The following CDADC1 variants were observed in gnomAD, a reference collection of about 807,000 sequenced individuals.
CDADC1 encodes the protein cytidine and dCMP deaminase domain containing 1, also known as dCTP deaminase.
CDADC1 carries 39 observed loss-of-function variants against 54.9 expected under a neutral mutation model. The observed-to-expected ratio is 0.71, with a 90% CI of 0.55 to 0.93. The LOEUF is 0.93. Among genes scored for constraint, CDADC1 ranks in the 40% least tolerant of loss-of-function variants. The probability of loss-of-function intolerance (pLI) is 0.00; values close to 1 mark genes in which losing one functional copy is unlikely to be tolerated. For synonymous variants in CDADC1, 186 were observed against 204.0 expected (o/e 0.91, Z 0.75); for missense variants, 518 against 618.8 (o/e 0.84, Z 1.73).
intron 6 of CDADC1, among the ~76,000 whole-genome samples, chr13:49,275,716 TATATATATATAGAGAG>T (rs1953098363): frequency 8.6e-5 from 5 of 58,080 alleles, no homozygotes; most frequent in South Asian, 7.2e-4. Context: ...TATATATATA[TATATATATATAGAGAG>T]AGAGAGAGAG....
At chr13:49,262,441 C>T (rs886870750) in intron 4 of CDADC1, among the ~76,000 whole-genome samples, 3 of 152,128 alleles carry the variant, frequency 2.0e-5, no homozygotes, top group East Asian at 1.9e-4. Flanking sequence ...GAGTGAGACC[C>T]TGTCCCAAAA....
chr13:49,280,022 AT>A (rs1360951515), intron 7 of CDADC1, among the ~76,000 whole-genome samples: 1 of 152,228 alleles, frequency 6.6e-6, no homozygotes, highest in Non-Finnish European at 1.5e-5. Flanking sequence ...GTATTTGATT[AT>A]TCATTTAGTA....
chr13:49,257,455 G>T (rs937220797), intron 3 of CDADC1, among the ~76,000 whole-genome samples: 2 of 152,144 alleles, frequency 1.3e-5, no homozygotes, highest in Non-Finnish European at 2.9e-5. Flanking sequence ...TTTTGATGAG[G>T]CAGCATTACT....
intron 7 of CDADC1, among the ~76,000 whole-genome samples, chr13:49,279,598 G>T (rs184404017): frequency 7.7e-4 from 117 of 152,318 alleles, no homozygotes; most frequent in African/African-American, 2.6e-3. Flanking sequence ...GCGGGGAAAT[G>T]GAATGGCATT....
intron 5 of CDADC1, among the ~76,000 whole-genome samples, chr13:49,272,060 ATT>A (rs5803453): frequency 2.7e-5 from 4 of 150,886 alleles, no homozygotes; most frequent in Non-Finnish European, 1.5e-5. Flanking sequence ...GAAAAATCAC[ATT>A]TTTTTTTTCC....
chr13:49,292,484 T>C lies in CDADC1; in HGVS notation c.*727T>C. On this transcript the variant is annotated 3_prime_UTR_variant, in exon 10 of 10. Transcript: ENST00000251108. The stretch of plus-strand genomic sequence containing the variant: ...TTATGATGTTAACAGAGAAGAAATA[T>C]TTGAGTCTGGAATATTGAAACTAGC... 1 of 1,032,542 alleles carries C rather than the reference T, an allele frequency of 9.7e-7. No homozygotes were observed. The highest frequency in any genetic ancestry group is 1.2e-6 in the Non-Finnish European group (1 of 858,426). The allele number at this position is 1,032,542 out of a possible 1,614,324, so 64.0% of individuals were successfully genotyped here.
intron 8 of CDADC1, among the ~76,000 whole-genome samples, chr13:49,285,959 G>A (rs1164745818): frequency 2.0e-4 from 30 of 151,872 alleles, no homozygotes; most frequent in African/African-American, 6.0e-4. Context: ...GACTACAGGC[G>A]CGTGCCACCA....
chr13:49,265,938 A>C (rs777209123), intron 4 of CDADC1: 2 of 1,302,464 alleles, frequency 1.5e-6, no homozygotes, highest in African/African-American at 3.0e-5. Flanking sequence ...CTGGTTAGGA[A>C]ATGGATTATG....
intron 2 of CDADC1, among the ~76,000 whole-genome samples, chr13:49,251,607 A>G (rs1163727864): frequency 1.3e-5 from 2 of 151,808 alleles, no homozygotes; most frequent in Non-Finnish European, 1.5e-5. Context: ...AATGACATTT[A>G]TGTTTCTATT....
chr13:49,272,437 T>C (rs549954877), intron 5 of CDADC1, among the ~76,000 whole-genome samples: 11 of 152,214 alleles, frequency 7.2e-5, no homozygotes, highest in African/African-American at 2.4e-4. Context: ...TAGAAGGAAG[T>C]CATCTCGTGC....
At chr13:49,265,800 A>G in intron 4 of CDADC1, 1 of 1,224,676 alleles carries the variant, frequency 8.2e-7, no homozygotes, top group Non-Finnish European at 1.1e-6. Flanking sequence ...AGATCAAAAA[A>G]TTTGAGAAAC....
At position 49,280,705 on chromosome 13, in the gene CDADC1, A is replaced by G; in HGVS notation, c.1410+7A>G. ...AGGTGTTAGCAAATTTACGGTAAGTAGATACACATTTTTTTCAGGTGTATT... is the reference window on the plus strand; with the variant it reads ...AGGTGTTAGCAAATTTACGGTAAGTGGATACACATTTTTTTCAGGTGTATT... On this transcript the variant is annotated splice_region_variant and intron_variant, in intron 8 of 9. Transcript: ENST00000251108. 1 of 1,546,362 alleles carries G rather than the reference A, an allele frequency of 6.5e-7. No homozygotes were observed. Among genetic ancestry groups the G allele is most frequent in the Non-Finnish European group, 8.7e-7 (1 of 1,147,438 alleles).
intron 7 of CDADC1, among the ~76,000 whole-genome samples, chr13:49,279,643 ATTG>A (rs1159051379): frequency 1.3e-5 from 2 of 152,176 alleles, no homozygotes; most frequent in African/African-American, 4.8e-5. Flanking sequence ...TGTAGGTAGT[ATTG>A]TTTGAACAGA....
At chr13:49,248,775 G>GCCC in intron 1 of CDADC1, 96 bp from the exon 2 acceptor site, 1 of 774,678 alleles carries the variant, frequency 1.3e-6, no homozygotes, top group Non-Finnish European at 2.3e-6. Flanking sequence ...TGCGAAAGCA[G>GCCC]CTGGGCTTAG....
At position 49,267,571 on chromosome 13, in the gene CDADC1, A is replaced by G. The variant is rs139520607; in HGVS notation, c.512A>G (p.Lys171Arg). ...LTEASSSEDA[K>R]LDAKAVERLK... is the part of the protein sequence containing the mutation. ...GAGGCTTCTAGTTCTGAAGATGCAAAGTTAGATGCCAAAGCAGTGGAAAGA... is the reference window on the plus strand; with the variant it reads ...GAGGCTTCTAGTTCTGAAGATGCAAGGTTAGATGCCAAAGCAGTGGAAAGA... Residue 171 changes from lysine to arginine, a missense_variant, in exon 5 of 10, where the codon AAG (lysine) becomes AGG (arginine). Coordinates refer to ENST00000251108, the MANE Select transcript of CDADC1 (RefSeq NM_030911.4). The G allele has an allele frequency of 1.0e-3, 1,658 of 1,614,034 alleles. 3 individuals are homozygous for G. The highest frequency in any genetic ancestry group is 1.3e-3 in the Non-Finnish European group (1,508 of 1,180,034).
rs755105130 is a variant in CDADC1 at position 49,248,936 on chromosome 13, C to G, written c.148C>G (p.Pro50Ala). ...TLLSLWMELF[P>A]AEAQRQKSQK... is the part of the protein sequence containing the mutation. ...GCTCAGCCTCTGGATGGAGCTCTTT[C>G]CAGCAGAAGCCCAGCGGCAAAAATC... Residue 50 changes from proline (P) to alanine (A), a missense_variant, in exon 2 of 10, where the codon CCA becomes GCA. Coordinates refer to ENST00000251108, the MANE Select transcript of CDADC1 (RefSeq NM_030911.4). 3.1e-6 allele frequency: 5 copies of G among 1,611,982 alleles called. No individual in the cohort carries two copies. The African/African-American group carries it at 5.3e-5, about 17-fold the overall frequency.
intron 3 of CDADC1, among the ~76,000 whole-genome samples, chr13:49,257,823 TAAATA>T (rs1449496690): frequency 2.0e-5 from 3 of 152,162 alleles, no homozygotes; most frequent in African/African-American, 4.8e-5. Flanking sequence ...CTGTCTCAAA[TAAATA>T]AATAAACAAA....
chr13:49,269,666 C>T (rs1566365164), intron 5 of CDADC1, among the ~76,000 whole-genome samples: 1 of 152,196 alleles, frequency 6.6e-6, no homozygotes. Flanking sequence ...GCTGTTGTAG[C>T]TATAATTCAC....
intron 3 of CDADC1, among the ~76,000 whole-genome samples, chr13:49,257,834 A>G (rs1952583655): frequency 6.6e-6 from 1 of 151,908 alleles, no homozygotes; most frequent in Admixed American, 6.5e-5. Flanking sequence ...AAATAAATAA[A>G]CAAACTTATT....
Sources: allele counts gnomAD v4.1 joint callset (sites outside exome capture counted in the v4.1 genomes callset), GRCh38; gene constraint gnomAD v4.1.1; transcripts MANE v1.5; gene names NCBI Gene and HGNC (gene_info 2026-07-23, HGNC 2026-07-21).